Variants in MGA observed in about 807,000 individuals in gnomAD.
The protein encoded by MGA is MAX gene-associated protein.
MGA carries 40 observed loss-of-function variants against 261.1 expected under a neutral mutation model. That is an observed-to-expected ratio of 0.15 (90% CI 0.12 to 0.20). MGA has a LOEUF of 0.20. Ranked by LOEUF, MGA falls within the 10% of genes least tolerant of loss-of-function variation. MGA has a pLI of 1.00. For synonymous variants in MGA, 1,302 were observed against 1,290.6 expected (o/e 1.01, Z -0.19); for missense variants, 3,397 against 3,630.5 (o/e 0.94, Z 1.65).
At chr15:41,755,227 A>G (rs1225937777) in intron 18 of MGA, among the ~76,000 whole-genome samples, 2 of 152,216 alleles carry the variant, frequency 1.3e-5, no homozygotes, top group Admixed American at 6.5e-5. Flanking sequence ...CAGACATTGT[A>G]CTTTTCCTGT....
rs565402733 is a variant in MGA at position 41,665,434 on chromosome 15, T to TG, written c.-67-3392dup. 1.1e-4 allele frequency among the ~76,000 whole-genome samples: 17 copies of TG among 152,050 alleles called. No homozygotes were observed. In the East Asian group the frequency reaches 3.1e-3, roughly 28 times the overall value. ...CAGGGTCTCACTCTGTCATCTAGAC[T>TG]GGAGTGCAGTGGCACCATCACAGCT... On this transcript the variant is annotated intron_variant, in intron 1 of 23. Coordinates refer to ENST00000219905, the MANE Select transcript of MGA (RefSeq NM_001164273.2).
In MGA at chr15:41,669,704, T is replaced by C. The variant is rs771010394; in HGVS notation, c.810T>C (p.Asp270=). 61 of 1,613,402 alleles carry C rather than the reference T, an allele frequency of 3.8e-5. No individual in the cohort carries two copies. Among genetic ancestry groups the C allele is most frequent in the African/African-American group, 5.3e-5 (4 of 74,896 alleles). The change falls in exon 2 of 24, where the codon GAT becomes GAC. Residue 270 remains aspartate (D), a synonymous_variant. Transcript: ENST00000219905. ...GGCTGAATAATAAGCCCCAGAGAGA[T>C]GGAAAACAAAAGAACAGCTCTGACC...
chr15:41,671,707 T>G (rs1456657652), intron 2 of MGA, among the ~76,000 whole-genome samples: 1 of 152,216 alleles, frequency 6.6e-6, no homozygotes, highest in African/African-American at 2.4e-5. Context: ...TCCTTTACTT[T>G]CCTTTTCTTG....
At chr15:41,762,460 G>GTTTTTTTTTTTTTTTTTTTTT (rs1491528643) in intron 22 of MGA, 98 bp downstream of exon 22, 5 of 190,268 alleles carry the variant, frequency 2.6e-5, no homozygotes, top group African/African-American at 2.1e-4. Context: ...AGTTTTGTGT[G>GTTTTTTTTTTTTTTTTTTTTT]GTTTTTTTTT....
intron 1 of MGA, among the ~76,000 whole-genome samples, chr15:41,642,748 A>G (rs892238758): frequency 6.6e-6 from 1 of 152,102 alleles, no homozygotes; most frequent in Admixed American, 6.6e-5. Context: ...TGCTGGGATT[A>G]CAGGCATGAG....
upstream of MGA, among the ~76,000 whole-genome samples, chr15:41,656,770 C>A (rs949282330): frequency 2.0e-5 from 3 of 151,962 alleles, no homozygotes; most frequent in Non-Finnish European, 4.4e-5. Context: ...TTAAGAAACT[C>A]TTTTCTTTCT....
At chr15:41,706,082 CA>C (rs1283310421) in intron 5 of MGA, among the ~76,000 whole-genome samples, 1 of 151,740 alleles carries the variant, frequency 6.6e-6, no homozygotes, top group African/African-American at 2.4e-5. Context: ...ACTAAAAATA[CA>C]AAAATTAGCC....
chr15:41,696,536 C>G lies in MGA; in HGVS notation c.1526C>G (p.Pro509Arg), dbSNP rs781707396. The G allele has an allele frequency of 3.7e-6, 6 of 1,613,808 alleles. No individual in the cohort carries two copies. Among genetic ancestry groups the G allele is most frequent in the Non-Finnish European group, 5.1e-6 (6 of 1,179,898 alleles). The change falls in exon 3 of 24, where the codon CCT (proline) becomes CGT (arginine). Residue 509 changes from proline to arginine, a missense_variant. Pro to Arg is a moderately radical substitution (Grantham distance 103, BLOSUM62 -2). Around this residue, in one of 9 missense-constraint regions of MGA, gnomAD observed 563 missense variants for 563.6 expected, o/e 1.00. Coordinates refer to ENST00000219905, the MANE Select transcript of MGA (RefSeq NM_001164273.2). ...ATGTTGGCAGAATTGGAATATTTGC[C>G]TACATACATTGAAAATTCCAATGAG...
intron 2 of MGA, among the ~76,000 whole-genome samples, chr15:41,677,854 A>G (rs931227198): frequency 6.6e-6 from 1 of 152,052 alleles, no homozygotes; most frequent in African/African-American, 2.4e-5. Flanking sequence ...ATGATTTGCA[A>G]ATCTTTTCTC....
chr15:41,686,017 A>AAAT (rs1472015982), intron 2 of MGA, among the ~76,000 whole-genome samples: 2 of 150,032 alleles, frequency 1.3e-5, no homozygotes, highest in African/African-American at 4.9e-5. Context: ...AAAAAAAAAA[A>AAAT]AATAATAATA....
chr15:41,667,655 T>C (rs1463124424), intron 1 of MGA, among the ~76,000 whole-genome samples: 1 of 152,126 alleles, frequency 6.6e-6, no homozygotes, highest in East Asian at 1.9e-4. Context: ...GCTGGGATTA[T>C]AGGTGTGAGT....
At chr15:41,698,757 A>G (rs1364915113) in intron 3 of MGA, 106 bp from the exon 4 acceptor site, 2 of 776,502 alleles carry the variant, frequency 2.6e-6, no homozygotes, top group Non-Finnish European at 4.1e-6. Flanking sequence ...AACTGTAGGC[A>G]TGGAGATATT....
intron 1 of MGA, among the ~76,000 whole-genome samples, chr15:41,637,496 G>T (rs1013456034): frequency 6.6e-6 from 1 of 152,122 alleles, no homozygotes; most frequent in African/African-American, 2.4e-5. Flanking sequence ...TGGGTGAGGG[G>T]TTGAATAAGC....
At chr15:41,687,934 C>G (rs1293030257) in intron 2 of MGA, among the ~76,000 whole-genome samples, 1 of 151,874 alleles carries the variant, frequency 6.6e-6, no homozygotes, top group East Asian at 1.9e-4. Context: ...GTGGATTTGT[C>G]TGTTTCTCTT....
intron 1 of MGA, among the ~76,000 whole-genome samples, chr15:41,644,116 C>T (rs953821144): frequency 1.3e-5 from 2 of 151,870 alleles, no homozygotes; most frequent in Non-Finnish European, 2.9e-5. Flanking sequence ...TTTTCATCCT[C>T]TGTGAATTTA....
Position 41,766,701 on chromosome 15 carries a change from A to G in MGA, c.8619A>G (p.Ala2873=). Residue 2873 remains alanine (A), a synonymous_variant, in exon 24 of 24, where the codon GCA becomes GCG. Transcript: ENST00000219905. The stretch of plus-strand genomic sequence containing the variant: ...GTAAGGTTCCTCCTGGAAGCAGAGC[A>G]ACTTTCCAGGTTGAGCACTTGGGAA... 1 of 1,614,020 alleles carries G rather than the reference A, an allele frequency of 6.2e-7. No individual in the cohort carries two copies. The highest frequency in any genetic ancestry group is 8.5e-7 in the Non-Finnish European group (1 of 1,179,892).
At chr15:41,730,209 A>G (rs912071076) in intron 11 of MGA, among the ~76,000 whole-genome samples, 2 of 152,136 alleles carry the variant, frequency 1.3e-5, no homozygotes, top group African/African-American at 4.8e-5. Context: ...TGCATCCAGC[A>G]CTTTGGGAGG....
chr15:41,657,224 C>CA (rs1442965558), upstream of MGA, among the ~76,000 whole-genome samples: 1 of 152,108 alleles, frequency 6.6e-6, no homozygotes, highest in Non-Finnish European at 1.5e-5. Flanking sequence ...CTTTGCCCCC[C>CA]AGCATGACTT....
intron 1 of MGA, among the ~76,000 whole-genome samples, chr15:41,632,953 A>ATT (rs1341133357): frequency 1.4e-5 from 2 of 144,436 alleles, no homozygotes; most frequent in Non-Finnish European, 1.5e-5. Flanking sequence ...ATTTCATGTA[A>ATT]TTTTTTTTTT....
Sources: gnomAD v4.1 joint callset for allele counts (sites outside exome capture counted in the v4.1 genomes callset) on GRCh38, gnomAD v4.1.1 for gene constraint, gnomAD v4.1.1 regional missense constraint, MANE v1.5 for transcripts, NCBI Gene and HGNC (gene_info 2026-07-23, HGNC 2026-07-21) for gene names.